Variants in FHIT observed in about 807,000 individuals in gnomAD.
FHIT encodes the protein fragile histidine triad diadenosine triphosphatase, also known as bis(5'-adenosyl)-triphosphatase.
Under a neutral mutation model 17.9 loss-of-function variants are expected in FHIT, and 19 were observed. That is an observed-to-expected ratio of 1.06 (90% confidence interval 0.74 to 1.56). FHIT has a LOEUF of 1.56. Ranked by LOEUF, FHIT falls within the 40% of genes most tolerant of loss-of-function variation. FHIT has a pLI of 0.00. For synonymous variants in FHIT, 81 were observed against 69.7 expected (o/e 1.16, Z -0.81); for missense variants, 248 against 189.2 (o/e 1.31, Z -1.82).
At chr3:60,538,667 C>A (rs1044608442) in intron 4 of FHIT, among the ~76,000 whole-genome samples, 2 of 152,220 alleles carry the variant, frequency 1.3e-5, no homozygotes, top group South Asian at 4.1e-4. Context: ...CTTTGACAAA[C>A]CTGACAAAAA....
At chr3:59,957,424 G>A (rs778699643) in intron 7 of FHIT, among the ~76,000 whole-genome samples, 4 of 152,204 alleles carry the variant, frequency 2.6e-5, no homozygotes, top group African/African-American at 4.8e-5. Flanking sequence ...CCAGAACGGT[G>A]AGAAAATAAA....
At chr3:60,240,127 T>G (rs920708193) in intron 5 of FHIT, among the ~76,000 whole-genome samples, 1 of 152,134 alleles carries the variant, frequency 6.6e-6, no homozygotes, top group African/African-American at 2.4e-5. Flanking sequence ...GTTTTCAATA[T>G]CAATATGCAT....
At chr3:61,216,718 A>G (rs1213457331) in intron 1 of FHIT, among the ~76,000 whole-genome samples, 2 of 152,214 alleles carry the variant, frequency 1.3e-5, no homozygotes, top group Non-Finnish European at 2.9e-5. Context: ...AGCACTATTC[A>G]CAATAGCAAA....
At chr3:61,100,050 C>T (rs1375521176) in intron 2 of FHIT, among the ~76,000 whole-genome samples, 5 of 151,848 alleles carry the variant, frequency 3.3e-5, no homozygotes, top group Non-Finnish European at 5.9e-5. Context: ...TGACAGATAA[C>T]GCTGAGCATC....
rs538432738 is a variant in FHIT, at chr3:60,035,720, T to C, written c.104-21568A>G. ...TGCTAGGATGGGTCCCAACTGTCCT[T>C]CCAATTTTGTTTCTCACTATTCTCG... On this transcript the variant is annotated intron_variant, in intron 5 of 9. Coordinates refer to ENST00000492590, the MANE Select transcript of FHIT (RefSeq NM_002012.4). Among the ~76,000 whole-genome samples the C allele has an allele frequency of 1.6e-4, 24 of 152,320 alleles. No homozygotes were observed. In the South Asian group the frequency reaches 5.0e-3, roughly 32 times the overall value.
chr3:60,539,572 A>C (rs1389611091), intron 4 of FHIT, among the ~76,000 whole-genome samples: 1 of 152,256 alleles, frequency 6.6e-6, no homozygotes, highest in Non-Finnish European at 1.5e-5. Flanking sequence ...GACTAGATTA[A>C]GGAAAATGTA....
At chr3:60,739,757 C>G (rs573230028) in intron 4 of FHIT, among the ~76,000 whole-genome samples, 19 of 152,312 alleles carry the variant, frequency 1.2e-4, no homozygotes, top group African/African-American at 4.1e-4. Context: ...TCAGAATGTA[C>G]ATTCCAGGAT....
intron 4 of FHIT, among the ~76,000 whole-genome samples, chr3:60,595,377 T>TTC (rs1553665890): frequency 6.6e-6 from 1 of 150,850 alleles, no homozygotes; most frequent in Non-Finnish European, 1.5e-5. Context: ...TGTTAGTCTT[T>TTC]TTTTTTTTTA....
At chr3:60,923,821 G>A (rs1341911836) in intron 3 of FHIT, among the ~76,000 whole-genome samples, 1 of 152,160 alleles carries the variant, frequency 6.6e-6, no homozygotes, top group East Asian at 1.9e-4. Context: ...AAAGAAAGGG[G>A]TGACAGACGG....
At position 61,097,143 on chromosome 3, in the gene FHIT, C is replaced by T. The variant is rs544384855; in HGVS notation, c.-163-55044G>A. ...ATGGCCGAATAGGAACAGCTCCAGT[C>T]TGTACCTCCCAGCGTGAGCGATGCA... is the stretch of plus-strand genomic sequence containing the variant. On this transcript the variant is annotated intron_variant, in intron 2 of 9. Transcript: ENST00000492590. 4.6e-5 allele frequency among the ~76,000 whole-genome samples: 7 copies of T among 151,070 alleles called. No homozygotes were observed. The East Asian group carries it at 9.8e-4, about 21-fold the overall frequency.
chr3:61,164,660 T>C (rs140438961), intron 2 of FHIT, among the ~76,000 whole-genome samples: 73 of 152,248 alleles, frequency 4.8e-4, no homozygotes, highest in Non-Finnish European at 9.4e-4. Context: ...ACTTTTATTT[T>C]AGATTCAGGG....
intron 5 of FHIT, among the ~76,000 whole-genome samples, chr3:60,231,923 G>T (rs13314508): frequency 0.029 from 4,341 of 152,186 alleles, 184 homozygotes; most frequent in African/African-American, 0.092. Flanking sequence ...CTTAACCATA[G>T]GGCTGAGGCT....
intron 3 of FHIT, among the ~76,000 whole-genome samples, chr3:60,870,240 C>G (rs1401779651): frequency 9.5e-6 from 1 of 105,664 alleles, no homozygotes; most frequent in Non-Finnish European, 1.9e-5. Flanking sequence ...TGGATCAATA[C>G]AGAGGTATTT....
At chr3:61,167,227 C>A (rs913262598) in intron 2 of FHIT, among the ~76,000 whole-genome samples, 1 of 151,374 alleles carries the variant, frequency 6.6e-6, no homozygotes, top group Non-Finnish European at 1.5e-5. Flanking sequence ...TATTTATATC[C>A]CTATTAAATA....
intron 8 of FHIT, among the ~76,000 whole-genome samples, chr3:59,772,352 G>C (rs1039363622): frequency 6.6e-6 from 1 of 152,226 alleles, no homozygotes; most frequent in Non-Finnish European, 1.5e-5. Flanking sequence ...TTTTCTGAAG[G>C]ATTGCTGGGA....
At chr3:61,232,600 A>T (rs61530280) in intron 1 of FHIT, among the ~76,000 whole-genome samples, 14,474 of 152,114 alleles carry the variant, frequency 0.095, 2,319 homozygotes, top group African/African-American at 0.33. Flanking sequence ...GAGGAGAAAC[A>T]TACCTTTGAA....
chr3:61,168,936 G>A (rs546790237), intron 2 of FHIT, among the ~76,000 whole-genome samples: 75 of 117,010 alleles, frequency 6.4e-4, no homozygotes, highest in Non-Finnish European at 1.2e-3. Context: ...CCCATGTTTT[G>A]TAGCACACAT....
At chr3:60,936,891 T>A (rs1447930) in intron 3 of FHIT, among the ~76,000 whole-genome samples, 140,707 of 152,272 alleles carry the variant, frequency 0.92, 66,019 homozygotes, top group East Asian at 1. Context: ...ATCATTCTAC[T>A]ACTTTATGGT....
intron 5 of FHIT, among the ~76,000 whole-genome samples, chr3:60,403,782 C>T (rs1299150636): frequency 1.3e-5 from 2 of 152,026 alleles, no homozygotes; most frequent in Non-Finnish European, 2.9e-5. Flanking sequence ...TTTGTTGAGC[C>T]CAAGTACAAA....
Sources: allele counts gnomAD v4.1 joint callset (sites outside exome capture counted in the v4.1 genomes callset), GRCh38; gene constraint gnomAD v4.1.1; transcripts MANE v1.5; gene names NCBI Gene and HGNC (gene_info 2026-07-23, HGNC 2026-07-21).